The following LRFN5 variants were observed in gnomAD, a reference collection of about 807,000 sequenced individuals.
LRFN5 encodes leucine-rich repeat and fibronectin type-III domain-containing protein 5.
LRFN5 carries 24 observed loss-of-function variants against 45.6 expected under a neutral mutation model. That is an observed-to-expected ratio of 0.53 (90% CI 0.38 to 0.74). The LOEUF is 0.74. LRFN5 is among the 30% of genes least tolerant of loss of function. The pLI, the probability that LRFN5 is intolerant of heterozygous loss-of-function variation, is 0.00. For synonymous variants in LRFN5, 340 were observed against 313.8 expected (o/e 1.08, Z -0.88); for missense variants, 776 against 861.5 (o/e 0.90, Z 1.24).
chr14:41,751,731 A>ACTTAAGTTTG (rs1885141703), intron 1 of LRFN5, among the ~76,000 whole-genome samples: 1 of 152,124 alleles, frequency 6.6e-6, no homozygotes, highest in Admixed American at 6.6e-5. Flanking sequence ...CTTAGGACCA[A>ACTTAAGTTTG]TCTCCTCCAA....
chr14:41,659,362 C>G lies in LRFN5; in HGVS notation c.-197+50800C>G, dbSNP rs931449351. ...TGATGGTTTCCAGCTTCATCCCTGT[C>G]CCTGCAAAGGACATGAACTCTTCCT... On this transcript the variant is annotated intron_variant, in intron 1 of 5. Transcript: ENST00000298119. Among the ~76,000 whole-genome samples, 4 of 152,066 alleles carry G rather than the reference C, an allele frequency of 2.6e-5. No individual in the cohort carries two copies. The South Asian group carries it at 8.3e-4, about 32-fold the overall frequency.
intron 2 of LRFN5, among the ~76,000 whole-genome samples, chr14:41,783,143 C>G (rs1418990417): frequency 6.6e-6 from 1 of 151,920 alleles, no homozygotes; most frequent in Non-Finnish European, 1.5e-5. Flanking sequence ...TACTTTTCCC[C>G]TTTCCCTGCC....
intron 1 of LRFN5, among the ~76,000 whole-genome samples, chr14:41,623,233 A>T (rs1191712884): frequency 6.6e-6 from 1 of 152,106 alleles, no homozygotes; most frequent in Non-Finnish European, 1.5e-5. Flanking sequence ...TCCTGTGGTG[A>T]TACAGTTAGA....
intron 1 of LRFN5, chr14:41,701,429 C>G (rs189051952): frequency 2.0e-5 from 3 of 152,194 alleles, no homozygotes; most frequent in South Asian, 4.1e-4. Context: ...ATATAGTGAA[C>G]TTATTGGGCA....
intron 2 of LRFN5, among the ~76,000 whole-genome samples, chr14:41,777,215 A>G (rs1302176250): frequency 2.0e-5 from 3 of 151,828 alleles, no homozygotes; most frequent in Non-Finnish European, 4.4e-5. Flanking sequence ...TTTTAGGAGT[A>G]CACAAGTTTG....
rs189379923 is a variant in LRFN5 at position 41,758,013 on chromosome 14, T to A, written c.-196-8841T>A. Among the ~76,000 whole-genome samples, 16 of 152,304 alleles carry A rather than the reference T, an allele frequency of 1.1e-4. No individual in the cohort carries two copies. In the East Asian group the frequency reaches 2.7e-3, roughly 26 times the overall value. On this transcript the variant is annotated intron_variant, in intron 1 of 5. Transcript: ENST00000298119. ...GACTATCCTAATAGTATATTCTTAA[T>A]GTAAAAGTAGAGCCCCCATGCAACT...
At chr14:41,657,405 G>A (rs553350239) in intron 1 of LRFN5, among the ~76,000 whole-genome samples, 4 of 151,990 alleles carry the variant, frequency 2.6e-5, no homozygotes, top group African/African-American at 9.6e-5. Context: ...ATGTAAAAGC[G>A]AGTGGAAGAT....
chr14:41,722,196 G>A (rs1332882455), intron 1 of LRFN5, among the ~76,000 whole-genome samples: 1 of 151,970 alleles, frequency 6.6e-6, no homozygotes, highest in Non-Finnish European at 1.5e-5. Flanking sequence ...AATTCCTTAA[G>A]TTTTTCAATT....
At chr14:41,739,205 G>A (rs58699296) in intron 1 of LRFN5, among the ~76,000 whole-genome samples, 25,211 of 151,988 alleles carry the variant, frequency 0.17, 2,192 homozygotes, top group Admixed American at 0.19. Context: ...GGGCAACATG[G>A]CCAAAGCCCA....
At chr14:41,868,696 T>C (rs1889919052) in intron 2 of LRFN5, among the ~76,000 whole-genome samples, 2 of 152,174 alleles carry the variant, frequency 1.3e-5, no homozygotes, top group Admixed American at 1.3e-4. Context: ...AGCATTTGAA[T>C]AGAGGCCATT....
intron 1 of LRFN5, among the ~76,000 whole-genome samples, chr14:41,708,197 A>G (rs1289135742): frequency 1.3e-5 from 2 of 151,960 alleles, no homozygotes; most frequent in Non-Finnish European, 2.9e-5. Context: ...ATTGCATATT[A>G]AATATTTTTG....
intron 2 of LRFN5, among the ~76,000 whole-genome samples, chr14:41,866,494 G>A (rs146794000): frequency 9.2e-5 from 14 of 152,218 alleles, no homozygotes; most frequent in South Asian, 6.2e-4. Flanking sequence ...GTTTCACCCC[G>A]AGTTATGGTA....
At chr14:41,693,337 A>C (rs997869630) in intron 1 of LRFN5, among the ~76,000 whole-genome samples, 7 of 152,118 alleles carry the variant, frequency 4.6e-5, no homozygotes, top group Non-Finnish European at 2.9e-5. Context: ...GGCATAAAAG[A>C]TACTTTAAAA....
chr14:41,879,038 A>G (rs941358530), intron 2 of LRFN5, among the ~76,000 whole-genome samples: 3 of 151,774 alleles, frequency 2.0e-5, no homozygotes, highest in Admixed American at 2.0e-4. Context: ...TTTTTTTTTC[A>G]TTACTTAGAG....
In LRFN5 at chr14:41,904,197, C is replaced by T; in HGVS notation, c.*22C>T. 1 of 1,609,454 alleles carries T rather than the reference C, an allele frequency of 6.2e-7. No homozygotes were observed. The stretch of plus-strand genomic sequence containing the variant: ...CTGAAGAGCACCACTTCTCCTCTCT[C>T]TCCTGAAAAAATTTGCCACTGATAT... On this transcript the variant is annotated 3_prime_UTR_variant, in exon 6 of 6. Transcript: ENST00000298119.
chr14:41,813,650 CAT>C (rs1887815103), intron 2 of LRFN5, among the ~76,000 whole-genome samples: 1 of 152,088 alleles, frequency 6.6e-6, no homozygotes, highest in South Asian at 2.1e-4. Context: ...CCACAATAAA[CAT>C]ATGTGTGCGT....
intron 1 of LRFN5, among the ~76,000 whole-genome samples, chr14:41,631,859 G>A (rs1888545345): frequency 6.6e-6 from 1 of 152,200 alleles, no homozygotes; most frequent in Non-Finnish European, 1.5e-5. Context: ...TGAAGTCAGA[G>A]AGGAGTAAGT....
intron 1 of LRFN5, among the ~76,000 whole-genome samples, chr14:41,611,940 A>T (rs1887772586): frequency 6.6e-6 from 1 of 152,028 alleles, no homozygotes; most frequent in Non-Finnish European, 1.5e-5. Flanking sequence ...CATTAAATGG[A>T]TTTTGGGTGT....
intron 1 of LRFN5, among the ~76,000 whole-genome samples, chr14:41,651,092 T>G (rs1880103722): frequency 6.6e-6 from 1 of 152,220 alleles, no homozygotes; most frequent in South Asian, 2.1e-4. Context: ...GCTATTTCTA[T>G]GTATTGTCTC....
Sources: allele counts gnomAD v4.1 joint callset (sites outside exome capture counted in the v4.1 genomes callset), GRCh38; gene constraint gnomAD v4.1.1; transcripts MANE v1.5; gene names NCBI Gene and HGNC (gene_info 2026-07-23, HGNC 2026-07-21).